MAN2A1: variants seen among roughly 807,000 people sequenced by gnomAD.
MAN2A1 encodes the protein mannosidase alpha class 2A member 1.
Under a neutral mutation model 142.6 loss-of-function variants are expected in MAN2A1, and 76 were observed. The ratio of observed to expected loss-of-function variants is 0.53; its 90% CI spans 0.44 to 0.65. The LOEUF is 0.65. Ranked by LOEUF, MAN2A1 falls within the 30% of genes least tolerant of loss-of-function variation. The probability of loss-of-function intolerance (pLI) is 0.00; values close to 1 mark genes in which losing one functional copy is unlikely to be tolerated. For missense variants in MAN2A1, 1,311 were observed against 1,365.1 expected, an observed-to-expected ratio of 0.96 and a Z score of 0.62; for synonymous variants, 559 against 473.2, an observed-to-expected ratio of 1.18 and a Z score of -2.35.
intron 5 of MAN2A1, among the ~76,000 whole-genome samples, chr5:109,767,325 G>A (rs1449294265): frequency 6.6e-6 from 1 of 152,130 alleles, no homozygotes; most frequent in Non-Finnish European, 1.5e-5. Flanking sequence ...TAATTTCAGT[G>A]AGCATCCTCT....
chr5:109,737,116 C>G (rs1286276793), intron 4 of MAN2A1, among the ~76,000 whole-genome samples: 5 of 93,224 alleles, frequency 5.4e-5, no homozygotes, highest in Non-Finnish European at 9.9e-5. Context: ...TTTTTTGAGA[C>G]TGAGTCTCGC....
chr5:109,851,323 G>A (rs1334212903), intron 19 of MAN2A1, among the ~76,000 whole-genome samples: 4 of 152,204 alleles, frequency 2.6e-5, no homozygotes, highest in Non-Finnish European at 5.9e-5. Flanking sequence ...CTTTGGCATT[G>A]CCAGGGTTTG....
At chr5:109,720,686 T>C (rs1332787093) in intron 3 of MAN2A1, among the ~76,000 whole-genome samples, 2 of 152,068 alleles carry the variant, frequency 1.3e-5, no homozygotes, top group African/African-American at 2.4e-5. Flanking sequence ...AAAAATAAAA[T>C]CGCAAAAAAA....
At chr5:109,801,012 C>T (rs895721631) in intron 12 of MAN2A1, among the ~76,000 whole-genome samples, 3 of 152,140 alleles carry the variant, frequency 2.0e-5, no homozygotes, top group African/African-American at 4.8e-5. Flanking sequence ...TACTTGTTGG[C>T]TTTCCTTTGT....
chr5:109,712,215 C>T (rs1433204904), intron 1 of MAN2A1, among the ~76,000 whole-genome samples: 1 of 151,732 alleles, frequency 6.6e-6, no homozygotes, highest in African/African-American at 2.4e-5. Flanking sequence ...TAACTTCTCC[C>T]TTTCCCCTTG....
intron 1 of MAN2A1, among the ~76,000 whole-genome samples, chr5:109,711,974 G>A (rs944097225): frequency 6.6e-6 from 1 of 152,136 alleles, no homozygotes. Context: ...TCAGGTCTGA[G>A]AAGGTACATG....
At chr5:109,818,078 A>G (rs1276164829) in intron 13 of MAN2A1, among the ~76,000 whole-genome samples, 3 of 152,198 alleles carry the variant, frequency 2.0e-5, no homozygotes, top group African/African-American at 7.2e-5. Flanking sequence ...AGATACAGCC[A>G]TAAACTAGGA....
chr5:109,745,935 A>C (rs1368767774), intron 4 of MAN2A1, among the ~76,000 whole-genome samples: 2 of 152,152 alleles, frequency 1.3e-5, no homozygotes, highest in Non-Finnish European at 2.9e-5. Flanking sequence ...TTTTTAAATA[A>C]ATTTTCATGA....
Position 109,866,902 on chromosome 5 carries a change from A to G in MAN2A1, c.3339A>G (p.Ser1113=). 6.2e-7 allele frequency: 1 copy of G among 1,612,520 alleles called. No homozygotes were observed. The highest frequency in any genetic ancestry group is 8.5e-7 in the Non-Finnish European group (1 of 1,178,894). The part of the protein sequence containing the change: ...KFIVESLTPS[S]LSLMHSPPGT... ...TTGTCGAAAGTCTCACACCTTCATC[A>G]CTATCCTTGATGCATTCACCTCCCG... is the stretch of plus-strand genomic sequence containing the variant. Residue 1113 remains serine, a synonymous_variant, in exon 22 of 22, where the codon TCA becomes TCG. Transcript: ENST00000261483.
intron 16 of MAN2A1, among the ~76,000 whole-genome samples, chr5:109,833,228 G>C (rs184209195): frequency 6.6e-6 from 1 of 151,958 alleles, no homozygotes; most frequent in African/African-American, 2.4e-5. Flanking sequence ...CCAGACGATG[G>C]GCGGCCAGGC....
rs183953056 is a variant in MAN2A1, at chr5:109,691,893, T to G, written c.135+1341T>G. Among the ~76,000 whole-genome samples, 22 of 152,328 alleles carry G rather than the reference T, an allele frequency of 1.4e-4. No homozygotes were observed. The East Asian group carries it at 4.2e-3, about 29-fold the overall frequency. On this transcript the variant is annotated intron_variant, in intron 1 of 21. Coordinates refer to ENST00000261483, the MANE Select transcript of MAN2A1 (RefSeq NM_002372.4). ...TTCTTGATGAGGTTGAAGAAAACAG[T>G]TGGAAAAAGGTAAGGAGTTTTAAGC...
rs140567078 is a variant in MAN2A1 at position 109,758,219 on chromosome 5, A to G, written c.835+2763A>G. On this transcript the variant is annotated intron_variant, in intron 5 of 21. Transcript: ENST00000261483. The stretch of plus-strand genomic sequence containing the variant: ...TCTCTTTTTTATTGTAGTCATTCTA[A>G]TATGTGTGAAATGGTAATCTCATTG... Among the ~76,000 whole-genome samples the G allele has an allele frequency of 1.8e-3, 277 of 152,228 alleles. 4 individuals carry two copies. Among genetic ancestry groups the G allele is most frequent in the African/African-American group, 4.9e-3 (202 of 41,556 alleles).
intron 4 of MAN2A1, among the ~76,000 whole-genome samples, chr5:109,740,830 A>G (rs1264518250): frequency 6.6e-6 from 1 of 152,176 alleles, no homozygotes; most frequent in Non-Finnish European, 1.5e-5. Context: ...TCTGTCAGAA[A>G]TGCTGCCAAT....
In MAN2A1 at chr5:109,690,357, C is replaced by A; in HGVS notation, c.-61C>A. On this transcript the variant is annotated 5_prime_UTR_variant, in exon 1 of 22. Coordinates refer to ENST00000261483, the MANE Select transcript of MAN2A1 (RefSeq NM_002372.4). ...GCCTCCGGCGGCTGCTTCCTAGAGT[C>A]CACAGTGCGCTGTCTCCTTTGGCTG... 6.3e-7 allele frequency: 1 copy of A among 1,595,534 alleles called. No individual in the cohort carries two copies. Among genetic ancestry groups the A allele is most frequent in the Admixed American group, 1.7e-5 (1 of 59,954 alleles).
chr5:109,772,088 G>A (rs1753161682), intron 7 of MAN2A1, among the ~76,000 whole-genome samples: 1 of 152,146 alleles, frequency 6.6e-6, no homozygotes, highest in Non-Finnish European at 1.5e-5. Flanking sequence ...ATAATACTTA[G>A]AGATTTTTTC....
At chr5:109,740,026 T>G (rs1177723730) in intron 4 of MAN2A1, among the ~76,000 whole-genome samples, 1 of 152,212 alleles carries the variant, frequency 6.6e-6, no homozygotes, top group Non-Finnish European at 1.5e-5. Flanking sequence ...AAGATCCCTG[T>G]GTTCCCTGCA....
chr5:109,829,027 G>A (rs1439137719), intron 16 of MAN2A1, among the ~76,000 whole-genome samples: 6 of 152,000 alleles, frequency 3.9e-5, no homozygotes, highest in Admixed American at 6.6e-5. Flanking sequence ...AAAGTTTGTG[G>A]ACAAATGGAA....
At chr5:109,842,805 G>GTTTTTTTTTTTTTTTTTT (rs1561539636) in intron 17 of MAN2A1, among the ~76,000 whole-genome samples, 1 of 102,314 alleles carries the variant, frequency 9.8e-6, no homozygotes, top group Admixed American at 9.3e-5. Context: ...ATACTTATTG[G>GTTTTTTTTTTTTTTTTTT]GTTTTTTTTT....
intron 4 of MAN2A1, among the ~76,000 whole-genome samples, chr5:109,735,371 C>T (rs979700122): frequency 6.6e-6 from 1 of 152,202 alleles, no homozygotes; most frequent in Non-Finnish European, 1.5e-5. Context: ...AGTCTATTTA[C>T]ATTTAAAGTT....
Sources: gnomAD v4.1 joint callset for allele counts (sites outside exome capture counted in the v4.1 genomes callset) on GRCh38, gnomAD v4.1.1 for gene constraint, MANE v1.5 for transcripts, NCBI Gene and HGNC (gene_info 2026-07-23, HGNC 2026-07-21) for gene names.